Variants in CIT observed in about 807,000 individuals in gnomAD.
CIT encodes citron Rho-interacting kinase.
CIT carries 79 observed loss-of-function variants against 272.7 expected under a neutral mutation model. The ratio of observed to expected loss-of-function variants is 0.29; its 90% CI spans 0.24 to 0.35. The LOEUF (loss-of-function observed/expected upper bound fraction) is 0.35, where lower values mean the gene tolerates loss of function less well. CIT is among the 10% of genes least tolerant of loss of function. The probability of loss-of-function intolerance (pLI) is 1.00; values close to 1 mark genes in which losing one functional copy is unlikely to be tolerated. For missense variants in CIT, 1,909 were observed against 2,618.3 expected, an observed-to-expected ratio of 0.73 and a Z score of 5.91; for synonymous variants, 948 against 995.6, an observed-to-expected ratio of 0.95 and a Z score of 0.90.
rs117404940 is a variant in CIT at position 119,755,382 on chromosome 12, C to G, written c.2706+1989G>C. The stretch of plus-strand genomic sequence containing the variant: ...GAGAACTGACTTCATTTTAATACTC[C>G]AAGACAAATAAAGACATGCATAAAC... On this transcript the variant is annotated intron_variant, in intron 22 of 47. Coordinates refer to ENST00000392521, the MANE Select transcript of CIT (RefSeq NM_001206999.2). 1.9e-3 allele frequency among the ~76,000 whole-genome samples: 284 copies of G among 152,274 alleles called. 2 individuals are homozygous for G. In the East Asian group the frequency reaches 0.033, roughly 17 times the overall value.
At position 119,699,882 on chromosome 12, in the gene CIT, T is replaced by C. The variant is rs1361023926; in HGVS notation, c.5623+863A>G. ...AGGGTATCTGGGCCACGACGGCATTTCAGAACATTCACACAGATACGTATG... is the reference window on the plus strand; with the variant it reads ...AGGGTATCTGGGCCACGACGGCATTCCAGAACATTCACACAGATACGTATG... On this transcript the variant is annotated intron_variant, in intron 44 of 47. Coordinates refer to ENST00000392521, the MANE Select transcript of CIT (RefSeq NM_001206999.2). The C allele has an allele frequency of 6.6e-6, 3 of 456,124 alleles. No individual in the cohort carries two copies. In the Admixed American group the frequency reaches 7.0e-5, roughly 11 times the overall value. The allele number at this position is 456,124 out of a possible 1,614,324, so 28.3% of individuals were successfully genotyped here.
chr12:119,718,931 G>C lies in CIT; in HGVS notation c.3841-70C>G, dbSNP rs1369705960. ...ACTTGAAACTAGCTAAAGGAAATCT[G>C]ACTCGGGAGGAGCAAACCACAAAAG... On this transcript the variant is annotated intron_variant, in intron 30 of 47. Coordinates refer to ENST00000392521, the MANE Select transcript of CIT (RefSeq NM_001206999.2). The surrounding 1 kb of genome is among the most constrained non-coding windows in gnomAD (Gnocchi z 4.8). 6.6e-7 allele frequency: 1 copy of C among 1,510,062 alleles called. No homozygotes were observed. Among genetic ancestry groups the C allele is most frequent in the Non-Finnish European group, 9.1e-7 (1 of 1,096,748 alleles). 93.5% of individuals were successfully genotyped at this position (1,510,062 alleles called of 1,614,324 possible).
At chr12:119,800,104 T>G (rs1966064105) in intron 10 of CIT, among the ~76,000 whole-genome samples, 1 of 152,098 alleles carries the variant, frequency 6.6e-6, no homozygotes, top group South Asian at 2.1e-4. Flanking sequence ...TTTTAAAACT[T>G]TAACATGCTG....
chr12:119,731,229 C>A (rs1958418868), intron 26 of CIT, among the ~76,000 whole-genome samples: 1 of 151,572 alleles, frequency 6.6e-6, no homozygotes, highest in Non-Finnish European at 1.5e-5. Flanking sequence ...AATCCCAACA[C>A]TTCGGGAGGC....
At chr12:119,859,967 C>A (rs969130104) in intron 3 of CIT, among the ~76,000 whole-genome samples, 16 of 152,150 alleles carry the variant, frequency 1.1e-4, no homozygotes, top group South Asian at 4.1e-4. Flanking sequence ...TAGGCGCACA[C>A]CACCAATCTG....
chr12:119,766,180 G>A (rs77739454), intron 19 of CIT, among the ~76,000 whole-genome samples: 19 of 151,802 alleles, frequency 1.3e-4, no homozygotes, highest in Admixed American at 5.2e-4. Flanking sequence ...GGCACACGTC[G>A]TTTACCTATG....
intron 9 of CIT, among the ~76,000 whole-genome samples, chr12:119,811,490 G>A (rs1966847321): frequency 6.6e-6 from 1 of 152,170 alleles, no homozygotes; most frequent in Non-Finnish European, 1.5e-5. Flanking sequence ...GAATAAGGAA[G>A]CCAGCATTCC....
chr12:119,767,614 A>G (rs540567499), intron 18 of CIT, among the ~76,000 whole-genome samples: 32 of 152,370 alleles, frequency 2.1e-4, no homozygotes, highest in Non-Finnish European at 4.3e-4. Context: ...CCTCATTAAC[A>G]GAATTATTGC....
At chr12:119,702,260 G>C (rs114281960) in intron 41 of CIT, among the ~76,000 whole-genome samples, 97 of 149,196 alleles carry the variant, frequency 6.5e-4, no homozygotes, top group African/African-American at 2.3e-3. Flanking sequence ...TTGAGCCACT[G>C]CACACGCCCC....
chr12:119,858,122 T>C (rs1279020745), intron 3 of CIT, among the ~76,000 whole-genome samples: 5 of 152,198 alleles, frequency 3.3e-5, no homozygotes, highest in African/African-American at 9.6e-5. Context: ...ATCATTCCAT[T>C]CTAACTACAT....
At chr12:119,758,247 C>T (rs75958538) in intron 21 of CIT, among the ~76,000 whole-genome samples, 1,903 of 152,320 alleles carry the variant, frequency 0.012, 22 homozygotes, top group Non-Finnish European at 0.017. Context: ...AAATGGATGG[C>T]CCAACTGGGC....
At chr12:119,786,724 G>C (rs1189969880) in intron 10 of CIT, among the ~76,000 whole-genome samples, 4 of 152,158 alleles carry the variant, frequency 2.6e-5, no homozygotes, top group East Asian at 1.9e-4. Flanking sequence ...CGCAGCTCCT[G>C]GCAATGACAA....
At chr12:119,780,211 C>T (rs958151625) in intron 13 of CIT, among the ~76,000 whole-genome samples, 1 of 152,166 alleles carries the variant, frequency 6.6e-6, no homozygotes, top group Non-Finnish European at 1.5e-5. Flanking sequence ...GCTGAAATTG[C>T]TAGTAATGAT....
chr12:119,832,781 G>A lies in CIT; in HGVS notation c.743C>T (p.Ser248Leu), dbSNP rs1968736066. ...TATTCCATTTTTTACCATCTTGTTT[G>A]AATTCATTTTCGCGGCAGATCCAAA... ...VDFGSAAKMN[S>L]NKMVNAKLPI... is the part of the protein sequence containing the mutation. The change falls in exon 7 of 48, where the codon TCA becomes TTA. Residue 248 changes from serine (S) to leucine (L), a missense_variant. By Grantham distance (145) the Ser-to-Leu change is moderately radical. Coordinates refer to ENST00000392521, the MANE Select transcript of CIT (RefSeq NM_001206999.2). 6.2e-7 allele frequency: 1 copy of A among 1,612,756 alleles called. No individual in the cohort carries two copies. The highest frequency in any genetic ancestry group is 8.5e-7 in the Non-Finnish European group (1 of 1,178,762).
chr12:119,708,238 C>CGGGCTGGGCAGGCAGGTG lies in CIT; in HGVS notation c.5134_5151dup (p.His1712_Pro1717dup), dbSNP rs1565916523. On this transcript the variant is annotated inframe_insertion, in exon 40 of 48. Transcript: ENST00000392521. ...GCTTCAAAAATGTTGGGTGAGATGTCGGGCTGGGCAGGCAGGTGGGACTGG... is the reference window on the plus strand; with the variant it reads ...GCTTCAAAAATGTTGGGTGAGATGTCGGGCTGGGCAGGCAGGTGGGGCTGGGCAGGCAGGTGGGACTGG... 1 of 1,607,008 alleles carries CGGGCTGGGCAGGCAGGTG rather than the reference C, an allele frequency of 6.2e-7. No individual in the cohort carries two copies. The highest frequency in any genetic ancestry group is 1.1e-5 in the South Asian group (1 of 89,560).
At chr12:119,841,823 A>C (rs553547863) in intron 5 of CIT, among the ~76,000 whole-genome samples, 2 of 152,298 alleles carry the variant, frequency 1.3e-5, no homozygotes, top group East Asian at 3.9e-4. Context: ...GAGTCACAAC[A>C]TGGAAGGAAC....
intron 3 of CIT, among the ~76,000 whole-genome samples, chr12:119,863,432 G>C (rs55680945): frequency 0.045 from 6,884 of 152,142 alleles, 288 homozygotes; most frequent in African/African-American, 0.11. Flanking sequence ...GTACCTGGGT[G>C]ACGAAATAAT....
At chr12:119,852,149 T>A (rs1970260723) in intron 4 of CIT, among the ~76,000 whole-genome samples, 1 of 152,156 alleles carries the variant, frequency 6.6e-6, no homozygotes, top group African/African-American at 2.4e-5. Context: ...ATAAATGTGA[T>A]CAACTGAAAC....
chr12:119,732,865 G>A (rs992499351), intron 26 of CIT, among the ~76,000 whole-genome samples: 3 of 152,176 alleles, frequency 2.0e-5, no homozygotes. Flanking sequence ...AAATGGATCC[G>A]ATTCAGCTGT....
Sources: gnomAD v4.1 joint callset for allele counts (sites outside exome capture counted in the v4.1 genomes callset) on GRCh38, gnomAD v4.1.1 for gene constraint, Gnocchi (gnomAD v3.1) non-coding constraint, MANE v1.5 for transcripts, NCBI Gene and HGNC (gene_info 2026-07-23, HGNC 2026-07-21) for gene names.